COG5: variants seen among roughly 807,000 people sequenced by gnomAD.
The protein encoded by COG5 is component of oligomeric golgi complex 5, also known as conserved oligomeric Golgi complex subunit 5.
A neutral mutation model predicts 110.4 loss-of-function variants in COG5; 86 were observed. The ratio of observed to expected loss-of-function variants is 0.78; its 90% CI spans 0.65 to 0.93. The LOEUF (loss-of-function observed/expected upper bound fraction) is 0.93, where lower values mean the gene tolerates loss of function less well. COG5 is among the 40% of genes least tolerant of loss of function. The probability of loss-of-function intolerance (pLI) is 0.00; values close to 1 mark genes in which losing one functional copy is unlikely to be tolerated. For missense variants in COG5, 1,077 were observed against 987.0 expected (o/e 1.09, Z -1.22); for synonymous variants, 360 against 334.6 (o/e 1.08, Z -0.83).
chr7:107,455,627 G>A (rs1399861567), intron 6 of COG5, among the ~76,000 whole-genome samples: 2 of 152,162 alleles, frequency 1.3e-5, no homozygotes, highest in Non-Finnish European at 2.9e-5. Context: ...TTTGCTAACT[G>A]ATGGTATATG....
intron 6 of COG5, among the ~76,000 whole-genome samples, chr7:107,522,473 A>C (rs181957613): frequency 3.3e-4 from 50 of 151,328 alleles, no homozygotes; most frequent in African/African-American, 1.2e-3. Context: ...CGTCTCAAAA[A>C]ACAACAACAA....
chr7:107,415,552 G>GA (rs985057722), intron 6 of COG5, among the ~76,000 whole-genome samples: 19 of 149,476 alleles, frequency 1.3e-4, no homozygotes, highest in South Asian at 2.1e-4. Flanking sequence ...TAGTCTACTA[G>GA]AAAAAAAAAT....
chr7:107,207,100 C>T (rs914385951), intron 21 of COG5, among the ~76,000 whole-genome samples: 1 of 152,222 alleles, frequency 6.6e-6, no homozygotes, highest in Non-Finnish European at 1.5e-5. Context: ...TGATTTTTGT[C>T]AGGCATTTAA....
chr7:107,409,230 G>GAA (rs11366303), intron 7 of COG5, among the ~76,000 whole-genome samples: 1,973 of 104,944 alleles, frequency 0.019, 52 homozygotes, highest in African/African-American at 0.059. Context: ...CAACGTCAAG[G>GAA]AAAAAAAAAA....
chr7:107,388,462 C>T (rs1375818394), intron 7 of COG5, among the ~76,000 whole-genome samples: 1 of 152,192 alleles, frequency 6.6e-6, no homozygotes, highest in African/African-American at 2.4e-5. Context: ...GAACATTCCA[C>T]AGGCATCCCA....
intron 12 of COG5, among the ~76,000 whole-genome samples, chr7:107,285,233 G>T (rs151287068): frequency 5.9e-5 from 9 of 152,274 alleles, no homozygotes; most frequent in African/African-American, 2.2e-4. Context: ...CCAAGACCAT[G>T]ATGGAAGCAT....
chr7:107,309,015 T>C (rs1408977209), intron 11 of COG5, among the ~76,000 whole-genome samples: 1 of 144,130 alleles, frequency 6.9e-6, no homozygotes, highest in Non-Finnish European at 1.5e-5. Context: ...TTTTTTAAAA[T>C]GGGAAATCAT....
At chr7:107,391,864 G>C (rs950977180) in intron 7 of COG5, among the ~76,000 whole-genome samples, 2 of 152,084 alleles carry the variant, frequency 1.3e-5, no homozygotes, top group African/African-American at 4.8e-5. Flanking sequence ...GGCCAAGGAG[G>C]GCAGATCACA....
In COG5 at chr7:107,474,614, A is replaced by G; in HGVS notation, c.538+52623T>C. The G allele has an allele frequency of 6.2e-7, 1 of 1,611,004 alleles. No individual in the cohort carries two copies. The highest frequency in any genetic ancestry group is 2.2e-5 in the East Asian group (1 of 44,820). ...ATTGAGGTAAATTTTTTCAGTCTTC[A>G]AAGTGGAAATACCTGGGAAAACAAG... On this transcript the variant is annotated intron_variant, in intron 6 of 21. Coordinates refer to ENST00000297135, the MANE Select transcript of COG5 (RefSeq NM_006348.5). The surrounding 1 kb of genome is among the most constrained non-coding windows in gnomAD (Gnocchi z 5.7).
chr7:107,490,086 G>A (rs1018238625), intron 6 of COG5, among the ~76,000 whole-genome samples: 2 of 152,092 alleles, frequency 1.3e-5, no homozygotes, highest in African/African-American at 2.4e-5. Flanking sequence ...TTTTTTAAAG[G>A]AATAAATTAT....
At position 107,548,666 on chromosome 7, in the gene COG5, T is replaced by A. The variant is rs1043637325; in HGVS notation, c.293-334A>T. Among the ~76,000 whole-genome samples the A allele has an allele frequency of 6.6e-5, 10 of 152,220 alleles. No individual in the cohort carries two copies. The East Asian group carries it at 1.9e-3, about 29-fold the overall frequency. On this transcript the variant is annotated intron_variant, in intron 3 of 21. Coordinates refer to ENST00000297135, the MANE Select transcript of COG5 (RefSeq NM_006348.5). The stretch of plus-strand genomic sequence containing the variant: ...AAATGTACTTAATGCCACTGAATTG[T>A]ATGTTTTAAAATGCTAAAAACAATA...
At chr7:107,274,248 T>C (rs780680514) in intron 14 of COG5, among the ~76,000 whole-genome samples, 70 of 152,246 alleles carry the variant, frequency 4.6e-4, no homozygotes, top group Non-Finnish European at 2.1e-4. Flanking sequence ...GAACATTGGT[T>C]GCACCTGTGA....
chr7:107,462,218 G>A (rs1489597102), intron 6 of COG5, among the ~76,000 whole-genome samples: 1 of 152,176 alleles, frequency 6.6e-6, no homozygotes, highest in Non-Finnish European at 1.5e-5. Flanking sequence ...CTAGACACCA[G>A]TAAGAATAAT....
chr7:107,482,431 C>A (rs992865267), intron 6 of COG5, among the ~76,000 whole-genome samples: 1 of 152,082 alleles, frequency 6.6e-6, no homozygotes, highest in Non-Finnish European at 1.5e-5. Context: ...CAGGTGTGAG[C>A]CACCAAGCCC....
At chr7:107,558,219 T>C (rs1192557155) in intron 1 of COG5, 104 bp from the exon 2 acceptor site, 7 of 1,167,988 alleles carry the variant, frequency 6.0e-6, no homozygotes, top group African/African-American at 1.5e-5. Flanking sequence ...TTTGATCCCA[T>C]ACTCTGAACC....
intron 16 of COG5, among the ~76,000 whole-genome samples, chr7:107,250,905 TA>T (rs1335826940): frequency 1.3e-5 from 2 of 151,792 alleles, no homozygotes; most frequent in Non-Finnish European, 2.9e-5. Context: ...AATATACTGG[TA>T]ACTGGAGTCC....
intron 6 of COG5, among the ~76,000 whole-genome samples, chr7:107,423,845 T>TA (rs1392296530): frequency 6.6e-6 from 1 of 152,098 alleles, no homozygotes; most frequent in Non-Finnish European, 1.5e-5. Context: ...ATGAACCCTT[T>TA]AACAACAAAC....
intron 6 of COG5, among the ~76,000 whole-genome samples, chr7:107,442,784 A>G (rs182635328): frequency 6.6e-6 from 1 of 152,194 alleles, no homozygotes; most frequent in Non-Finnish European, 1.5e-5. Context: ...GAGAATACAA[A>G]TACAAGATTT....
chr7:107,202,244 A>G lies in COG5; in HGVS notation c.*1272T>C, dbSNP rs192948081. The stretch of plus-strand genomic sequence containing the variant: ...AATATATTTTGTCATCATAATCTTT[A>G]TGGTGGGGGCAGACTTTGCACTTAC... On this transcript the variant is annotated 3_prime_UTR_variant, in exon 22 of 22. Transcript: ENST00000297135. 3.4e-5 allele frequency: 5 copies of G among 145,688 alleles called. No homozygotes were observed. The highest frequency in any genetic ancestry group is 1.2e-4 in the African/African-American group (5 of 41,064). 9.0% of individuals were successfully genotyped at this position (145,688 alleles called of 1,614,324 possible).
Sources: gnomAD v4.1 joint callset for allele counts (sites outside exome capture counted in the v4.1 genomes callset) on GRCh38, gnomAD v4.1.1 for gene constraint, Gnocchi (gnomAD v3.1) non-coding constraint, MANE v1.5 for transcripts, NCBI Gene and HGNC (gene_info 2026-07-23, HGNC 2026-07-21) for gene names.